The following EPSTI1 variants were observed in gnomAD, a reference collection of about 807,000 sequenced individuals.
The protein encoded by EPSTI1 is epithelial stromal interaction 1, also known as epithelial-stromal interaction protein 1.
In EPSTI1, 66 loss-of-function variants were observed where a neutral mutation model predicts 49.9. The observed-to-expected ratio is 1.32, with a 90% CI of 1.08 to 1.62. The LOEUF is 1.62. EPSTI1 is among the 40% of genes most tolerant of loss of function. The probability of loss-of-function intolerance (pLI) is 0.00; values close to 1 mark genes in which losing one functional copy is unlikely to be tolerated. For missense variants in EPSTI1, 394 were observed against 365.5 expected, an observed-to-expected ratio of 1.08 and a Z score of -0.64; for synonymous variants, 137 against 130.7, an observed-to-expected ratio of 1.05 and a Z score of -0.33.
chr13:42,962,855 A>G, intron 5 of EPSTI1, among the ~76,000 whole-genome samples: 1 of 152,222 alleles, frequency 6.6e-6, no homozygotes. Context: ...TGAAGAAATT[A>G]GCTGTAAATG....
chr13:42,987,219 A>G (rs2040101086), intron 1 of EPSTI1, among the ~76,000 whole-genome samples: 1 of 151,822 alleles, frequency 6.6e-6, no homozygotes, highest in South Asian at 2.1e-4. Flanking sequence ...AGTGGGGGGC[A>G]GTTTTGTGGG....
intron 7 of EPSTI1, among the ~76,000 whole-genome samples, chr13:42,924,909 G>A (rs907383740): frequency 3.3e-5 from 5 of 152,126 alleles, no homozygotes; most frequent in African/African-American, 1.2e-4. Flanking sequence ...AAGGGGTAAG[G>A]GGAGATGAAG....
At position 42,963,356 on chromosome 13, in the gene EPSTI1, T is replaced by C. The variant is rs745330266; in HGVS notation, c.406-18A>G. On this transcript the variant is annotated intron_variant, in intron 4 of 10. Coordinates refer to ENST00000313624, the MANE Select transcript of EPSTI1 (RefSeq NM_033255.5). Reference sequence around the variant, plus strand: ...CTTTTTAGCTAAATTGTATTGAAATTACAGAGAACAAAAACAGTTACCATT... The same window carrying C: ...CTTTTTAGCTAAATTGTATTGAAATCACAGAGAACAAAAACAGTTACCATT... 1 of 1,583,900 alleles carries C rather than the reference T, an allele frequency of 6.3e-7. No homozygotes were observed. The highest frequency in any genetic ancestry group is 8.6e-7 in the Non-Finnish European group (1 of 1,160,040).
At chr13:42,975,815 A>AC (rs1390850828) in intron 1 of EPSTI1, among the ~76,000 whole-genome samples, 1 of 134,534 alleles carries the variant, frequency 7.4e-6, no homozygotes, top group Non-Finnish European at 1.6e-5. Context: ...TAAAAGCCAC[A>AC]CAAAAAAAAG....
chr13:42,931,183 G>C (rs1293895785), intron 6 of EPSTI1, among the ~76,000 whole-genome samples: 1 of 136,458 alleles, frequency 7.3e-6, no homozygotes, highest in Non-Finnish European at 1.5e-5. Context: ...GCTACCTTTT[G>C]CCTACAGCTT....
At chr13:42,904,791 C>T (rs555151620) in intron 8 of EPSTI1, among the ~76,000 whole-genome samples, 119 of 152,142 alleles carry the variant, frequency 7.8e-4, no homozygotes, top group African/African-American at 1.8e-3. Flanking sequence ...TTTCTTAGGA[C>T]GCTTCTATAT....
At position 42,921,973 on chromosome 13, in the gene EPSTI1, A is replaced by G. The variant is rs998811187; in HGVS notation, c.658-4349T>C. Among the ~76,000 whole-genome samples the G allele has an allele frequency of 7.9e-5, 12 of 152,254 alleles. 1 individual carries two copies. The highest frequency in any genetic ancestry group is 6.2e-4 in the South Asian group (3 of 4,832). ...ACAGTCACAAAAGCTGTCAGAAGACAGTCAAATGTTCAAAGGAAACTAAGA... is the reference window on the plus strand; with the variant it reads ...ACAGTCACAAAAGCTGTCAGAAGACGGTCAAATGTTCAAAGGAAACTAAGA... On this transcript the variant is annotated intron_variant, in intron 7 of 10. Transcript: ENST00000313624.
At chr13:42,920,953 T>C (rs916687986) in intron 7 of EPSTI1, among the ~76,000 whole-genome samples, 2 of 152,140 alleles carry the variant, frequency 1.3e-5, no homozygotes, top group African/African-American at 4.8e-5. Context: ...CAGTAAAATA[T>C]TTAGAAGATA....
intron 8 of EPSTI1, 104 bp from the exon 9 acceptor site, chr13:42,900,487 A>G: frequency 8.9e-7 from 1 of 1,122,016 alleles, no homozygotes; most frequent in Non-Finnish European, 1.3e-6. Context: ...ACAATATTTC[A>G]TTTTTGAAAC....
chr13:42,907,910 T>A (rs1388662676), intron 8 of EPSTI1, among the ~76,000 whole-genome samples: 1 of 152,146 alleles, frequency 6.6e-6, no homozygotes, highest in East Asian at 1.9e-4. Flanking sequence ...TACAAACCAA[T>A]GGAACAGAAT....
intron 2 of EPSTI1, chr13:42,969,504 TAGAA>T: frequency 3.8e-6 from 1 of 263,168 alleles, no homozygotes; most frequent in African/African-American, 2.2e-5. Flanking sequence ...AAGTTACCTA[TAGAA>T]AATGTGTGCA....
At chr13:42,980,409 C>T (rs564627323) in intron 1 of EPSTI1, among the ~76,000 whole-genome samples, 1 of 152,282 alleles carries the variant, frequency 6.6e-6, no homozygotes, top group South Asian at 2.1e-4. Context: ...GTTTAATGGA[C>T]TCACAGTTCC....
At chr13:42,989,610 T>C (rs2040156569) in intron 1 of EPSTI1, among the ~76,000 whole-genome samples, 1 of 123,918 alleles carries the variant, frequency 8.1e-6, no homozygotes, top group South Asian at 3.0e-4. Flanking sequence ...TGTTTTGTTT[T>C]TGAGACAGAG....
intron 6 of EPSTI1, among the ~76,000 whole-genome samples, chr13:42,941,939 T>C (rs1594692886): frequency 6.6e-6 from 1 of 152,206 alleles, no homozygotes; most frequent in East Asian, 1.9e-4. Flanking sequence ...ACTTGGTCTG[T>C]TAATTTCTAT....
At chr13:42,947,563 AT>A (rs1279676145) in intron 6 of EPSTI1, among the ~76,000 whole-genome samples, 2 of 152,042 alleles carry the variant, frequency 1.3e-5, no homozygotes, top group Non-Finnish European at 1.5e-5. Context: ...ATTTTATATG[AT>A]TTTTTTTAAG....
intron 1 of EPSTI1, among the ~76,000 whole-genome samples, chr13:42,984,358 G>A (rs2040040931): frequency 6.6e-6 from 1 of 152,176 alleles, no homozygotes; most frequent in Non-Finnish European, 1.5e-5. Flanking sequence ...TTGAACATCT[G>A]AACATTGCAG....
At position 42,922,081 on chromosome 13, in the gene EPSTI1, T is replaced by A; in HGVS notation, c.657+4255A>T. 6.6e-6 allele frequency among the ~76,000 whole-genome samples: 1 copy of A among 152,172 alleles called. No homozygotes were observed. Among genetic ancestry groups the A allele is most frequent in the African/African-American group, 2.4e-5 (1 of 41,442 alleles). On this transcript the variant is annotated intron_variant, in intron 7 of 10. Coordinates refer to ENST00000313624, the MANE Select transcript of EPSTI1 (RefSeq NM_033255.5). The surrounding 1 kb of genome is among the most constrained non-coding windows in gnomAD (Gnocchi z 4.8). ...ACTGGCTTGGCAGTGAGAAAACGTG[T>A]ATATAGTCATAATAGGGAAAGCTCA...
intron 7 of EPSTI1, among the ~76,000 whole-genome samples, chr13:42,926,041 A>AAGGAAGGAAGGT (rs770941534): frequency 6.5e-5 from 9 of 138,006 alleles, no homozygotes; most frequent in African/African-American, 1.1e-4. Context: ...GGAAGGAAGG[A>AAGGAAGGAAGGT]AGGAAGGTAG....
chr13:42,961,349 C>CA (rs1162989940), intron 5 of EPSTI1, among the ~76,000 whole-genome samples: 1 of 151,942 alleles, frequency 6.6e-6, no homozygotes, highest in African/African-American at 2.4e-5. Context: ...CCAAGTAGCT[C>CA]AAAAAAATCC....
Sources: gnomAD v4.1 joint callset for allele counts (sites outside exome capture counted in the v4.1 genomes callset) on GRCh38, gnomAD v4.1.1 for gene constraint, Gnocchi (gnomAD v3.1) non-coding constraint, MANE v1.5 for transcripts, NCBI Gene and HGNC (gene_info 2026-07-23, HGNC 2026-07-21) for gene names.